ACSS3: variants seen among roughly 807,000 people sequenced by gnomAD.
ACSS3 encodes the protein acyl-CoA synthetase short-chain family member 3, mitochondrial.
In ACSS3, 64 loss-of-function variants were observed where a neutral mutation model predicts 84.2. The ratio of observed to expected loss-of-function variants is 0.76; its 90% CI spans 0.62 to 0.94. The LOEUF (loss-of-function observed/expected upper bound fraction) is 0.94, where lower values mean the gene tolerates loss of function less well. Ranked by LOEUF, ACSS3 falls within the 40% of genes least tolerant of loss-of-function variation. The pLI is 0.00. For synonymous variants in ACSS3, 317 were observed against 310.1 expected, an observed-to-expected ratio of 1.02 and a Z score of -0.23; for missense variants, 815 against 867.6, an observed-to-expected ratio of 0.94 and a Z score of 0.76.
chr12:81,154,163 A>G (rs1886753488), intron 7 of ACSS3, among the ~76,000 whole-genome samples: 1 of 152,236 alleles, frequency 6.6e-6, no homozygotes. Context: ...TAAACAAAAT[A>G]AACCTCTACA....
rs1319157117 is a variant in ACSS3 at position 81,122,086 on chromosome 12, C to T, written c.456+12382C>T. Among the ~76,000 whole-genome samples the T allele has an allele frequency of 3.3e-5, 5 of 152,040 alleles. No homozygotes were observed. The East Asian group carries it at 9.7e-4, about 29-fold the overall frequency. ...TAGCTGGGACTACAGGTGCGTGGCACTACACCTAGCTAATTTTTGTATTTT... is the reference window on the plus strand; with the variant it reads ...TAGCTGGGACTACAGGTGCGTGGCATTACACCTAGCTAATTTTTGTATTTT... On this transcript the variant is annotated intron_variant, in intron 2 of 15. Coordinates refer to ENST00000548058, the MANE Select transcript of ACSS3 (RefSeq NM_024560.4).
Position 81,255,766 on chromosome 12 carries a change from A to C in ACSS3, c.*844A>C, listed in dbSNP as rs1234258170. 2 of 152,298 alleles carry C rather than the reference A, an allele frequency of 1.3e-5. No individual in the cohort carries two copies. Among genetic ancestry groups the C allele is most frequent in the African/African-American group, 4.8e-5 (2 of 41,442 alleles). The allele number at this position is 152,298 out of a possible 1,614,324, so 9.4% of individuals were successfully genotyped here. A position where few individuals can be genotyped will look rare whatever the true frequency, so the allele number is the denominator to read the frequency against. ...GAGCCAAGTTCCCCCACTGTACTCC[A>C]GCCTGGGTGACAGAGTAAGACTCCA... On this transcript the variant is annotated 3_prime_UTR_variant, in exon 16 of 16. Transcript: ENST00000548058.
intron 2 of ACSS3, among the ~76,000 whole-genome samples, chr12:81,128,728 A>C (rs991206919): frequency 1.3e-5 from 2 of 152,190 alleles, no homozygotes; most frequent in African/African-American, 4.8e-5. Context: ...GTAACTCTAC[A>C]CTCAGACATT....
Position 81,207,165 on chromosome 12 carries a change from G to A in ACSS3, c.1354+7721G>A, listed in dbSNP as rs141955065. Among the ~76,000 whole-genome samples, 921 of 152,156 alleles carry A rather than the reference G, an allele frequency of 6.1e-3. 2 individuals carry two copies. The highest frequency in any genetic ancestry group is 0.027 in the Middle Eastern group (8 of 294). ...CACGTATAAACCATGTTAGAAAGTTGAAAATATGTCATGTTTTTATAGATC... is the reference window on the plus strand; with the variant it reads ...CACGTATAAACCATGTTAGAAAGTTAAAAATATGTCATGTTTTTATAGATC... On this transcript the variant is annotated intron_variant, in intron 9 of 15. Coordinates refer to ENST00000548058, the MANE Select transcript of ACSS3 (RefSeq NM_024560.4).
At chr12:81,181,723 A>C (rs1346294849) in intron 8 of ACSS3, among the ~76,000 whole-genome samples, 1 of 141,580 alleles carries the variant, frequency 7.1e-6, no homozygotes, top group Non-Finnish European at 1.5e-5. Context: ...GAAATCTTGA[A>C]GCCAAAGATT....
chr12:81,124,268 G>T (rs1346239305), intron 2 of ACSS3: 3 of 152,040 alleles, frequency 2.0e-5, no homozygotes, highest in African/African-American at 7.3e-5. Flanking sequence ...TAATATATTT[G>T]TTGGCCTCAT....
intron 5 of ACSS3, among the ~76,000 whole-genome samples, chr12:81,149,051 C>T (rs996387581): frequency 1.3e-5 from 2 of 151,768 alleles, no homozygotes; most frequent in Admixed American, 1.3e-4. Flanking sequence ...TGCACTCCAG[C>T]CTGGGTGACA....
chr12:81,240,270 C>A (rs138554911), intron 13 of ACSS3, among the ~76,000 whole-genome samples: 2 of 151,898 alleles, frequency 1.3e-5, no homozygotes, highest in African/African-American at 4.8e-5. Context: ...CATGCCTTCT[C>A]GGGTTATTGA....
At chr12:81,151,156 G>GTT (rs1886592699) in intron 5 of ACSS3, among the ~76,000 whole-genome samples, 1 of 152,150 alleles carries the variant, frequency 6.6e-6, no homozygotes. Flanking sequence ...TGGTCCCAGT[G>GTT]TTGGGGAGAG....
intron 1 of ACSS3, among the ~76,000 whole-genome samples, chr12:81,080,279 C>G (rs11114751): frequency 0.34 from 51,605 of 151,182 alleles, 9,127 homozygotes; most frequent in East Asian, 0.48. Context: ...TGTCAATGTC[C>G]CAGCAAGTAG....
At chr12:81,093,060 T>C (rs938194780) in intron 1 of ACSS3, among the ~76,000 whole-genome samples, 1 of 152,056 alleles carries the variant, frequency 6.6e-6, no homozygotes, top group Non-Finnish European at 1.5e-5. Flanking sequence ...GATGGAGATG[T>C]AGTGTGATTT....
At chr12:81,241,815 T>G (rs1356302533) in intron 13 of ACSS3, among the ~76,000 whole-genome samples, 1 of 152,170 alleles carries the variant, frequency 6.6e-6, no homozygotes, top group East Asian at 1.9e-4. Context: ...TAGTTTCTTT[T>G]GCTGTGCAGA....
chr12:81,131,974 A>G (rs1885533970), intron 2 of ACSS3, among the ~76,000 whole-genome samples: 1 of 152,204 alleles, frequency 6.6e-6, no homozygotes, highest in Non-Finnish European at 1.5e-5. Context: ...GCAGGGATGA[A>G]GCCAACTTGA....
chr12:81,111,869 A>C (rs936155882), intron 2 of ACSS3, among the ~76,000 whole-genome samples: 5 of 152,212 alleles, frequency 3.3e-5, no homozygotes, highest in African/African-American at 1.2e-4. Flanking sequence ...AACAAGGGGA[A>C]TTTCAGTCTA....
intron 8 of ACSS3, among the ~76,000 whole-genome samples, chr12:81,176,598 A>G (rs1193895579): frequency 6.6e-6 from 1 of 151,938 alleles, no homozygotes; most frequent in East Asian, 1.9e-4. Context: ...TAATACAAAA[A>G]TAAAAAAAAA....
intron 13 of ACSS3, among the ~76,000 whole-genome samples, chr12:81,244,033 T>C (rs1453773384): frequency 6.6e-6 from 1 of 152,312 alleles, no homozygotes; most frequent in East Asian, 1.9e-4. Context: ...GGCAACACAT[T>C]ACCTCAATTT....
intron 2 of ACSS3, among the ~76,000 whole-genome samples, chr12:81,129,364 C>T (rs923280585): frequency 1.3e-5 from 2 of 151,892 alleles, no homozygotes; most frequent in Non-Finnish European, 2.9e-5. Context: ...GATAAATGCC[C>T]CTGGGAATAG....
chr12:81,259,686 G>A lies in ACSS3; in HGVS notation c.*4764G>A, dbSNP rs1262743463. The A allele has an allele frequency of 1.3e-6, 2 of 1,532,282 alleles. No individual in the cohort carries two copies. The allele number at this position is 1,532,282 out of a possible 1,614,324, so 94.9% of individuals were successfully genotyped here. A position where few individuals can be genotyped will look rare whatever the true frequency, so the allele number is the denominator to read the frequency against. On this transcript the variant is annotated 3_prime_UTR_variant, in exon 16 of 16. Coordinates refer to ENST00000548058, the MANE Select transcript of ACSS3 (RefSeq NM_024560.4). ...CTAAAATATACAATGGATAGCATTA[G>A]TTCACTGAAAAGTCCCAGACTGGGA... is the stretch of plus-strand genomic sequence containing the variant.
intron 10 of ACSS3, 71 bp from the exon 11 acceptor site, chr12:81,219,941 TA>T: frequency 9.2e-7 from 1 of 1,086,474 alleles, no homozygotes; most frequent in South Asian, 2.5e-5. Flanking sequence ...GGGTTGAATA[TA>T]AAAATATAGA....
Sources: gnomAD v4.1 joint callset for allele counts (sites outside exome capture counted in the v4.1 genomes callset) on GRCh38, gnomAD v4.1.1 for gene constraint, MANE v1.5 for transcripts, NCBI Gene and HGNC (gene_info 2026-07-23, HGNC 2026-07-21) for gene names.